DCC: variants seen among roughly 807,000 people sequenced by gnomAD.
DCC encodes the protein netrin receptor DCC.
Under a neutral mutation model 172.5 loss-of-function variants are expected in DCC, and 58 were observed. The observed-to-expected ratio is 0.34, with a 90% confidence interval of 0.27 to 0.42. DCC has a LOEUF of 0.42. DCC is among the 10% of genes least tolerant of loss of function. The pLI, the probability that DCC is intolerant of heterozygous loss-of-function variation, is 1.00. For missense variants in DCC, 1,740 were observed against 1,791.0 expected (o/e 0.97, Z 0.51); for synonymous variants, 709 against 644.5 (o/e 1.10, Z -1.52).
At chr18:53,130,632 G>A (rs147682697) in intron 7 of DCC, among the ~76,000 whole-genome samples, 7 of 152,098 alleles carry the variant, frequency 4.6e-5, no homozygotes, top group Middle Eastern at 3.4e-3. Context: ...ACAAAATTCC[G>A]AACAATTGTC....
At chr18:52,397,002 T>C (rs1393097216) in intron 1 of DCC, among the ~76,000 whole-genome samples, 3 of 152,046 alleles carry the variant, frequency 2.0e-5, no homozygotes, top group Admixed American at 6.6e-5. Flanking sequence ...AATAAATGTT[T>C]CTGTGTATAG....
intron 14 of DCC, among the ~76,000 whole-genome samples, chr18:53,328,928 T>C (rs906278504): frequency 6.6e-6 from 1 of 152,200 alleles, no homozygotes; most frequent in African/African-American, 2.4e-5. Context: ...TTTATGAAAC[T>C]TCTCCTTGTT....
intron 1 of DCC, among the ~76,000 whole-genome samples, chr18:52,446,939 T>G (rs1988145070): frequency 6.6e-6 from 1 of 152,248 alleles, no homozygotes; most frequent in African/African-American, 2.4e-5. Context: ...ATTTTTATGT[T>G]ACATTCTCAG....
At chr18:53,175,350 TAAAAG>T (rs1427390879) in intron 8 of DCC, among the ~76,000 whole-genome samples, 4 of 151,964 alleles carry the variant, frequency 2.6e-5, no homozygotes, top group Non-Finnish European at 5.9e-5. Flanking sequence ...GAGAAGGAAA[TAAAAG>T]GTATTCAGTT....
intron 2 of DCC, among the ~76,000 whole-genome samples, chr18:52,899,891 C>A (rs994370138): frequency 6.6e-6 from 1 of 152,160 alleles, no homozygotes; most frequent in African/African-American, 2.4e-5. Flanking sequence ...AACTGATTAT[C>A]TTAACAATGA....
chr18:53,427,218 A>G (rs1599136268), intron 21 of DCC, among the ~76,000 whole-genome samples: 1 of 152,162 alleles, frequency 6.6e-6, no homozygotes, highest in East Asian at 1.9e-4. Flanking sequence ...TTGGAGGAAC[A>G]GAATGCTTTT....
intron 1 of DCC, among the ~76,000 whole-genome samples, chr18:52,490,973 C>T (rs1050461284): frequency 6.6e-6 from 1 of 151,980 alleles, no homozygotes; most frequent in Non-Finnish European, 1.5e-5. Flanking sequence ...AGGTTTAAAC[C>T]CAATTAGCAT....
intron 1 of DCC, among the ~76,000 whole-genome samples, chr18:52,583,855 G>A (rs990934049): frequency 1.3e-5 from 2 of 152,138 alleles, no homozygotes; most frequent in East Asian, 3.8e-4. Flanking sequence ...ACTTTATATA[G>A]CAATGTCCCA....
intron 5 of DCC, among the ~76,000 whole-genome samples, chr18:53,009,299 A>G (rs949652217): frequency 1.3e-5 from 2 of 151,974 alleles, no homozygotes; most frequent in Admixed American, 1.3e-4. Flanking sequence ...TTTCAATAAA[A>G]GATGGATATA....
intron 1 of DCC, among the ~76,000 whole-genome samples, chr18:52,741,296 C>A (rs761009399): frequency 6.6e-6 from 1 of 152,176 alleles, no homozygotes; most frequent in Non-Finnish European, 1.5e-5. Flanking sequence ...CATTTCTCAC[C>A]TGAACAATGG....
intron 5 of DCC, among the ~76,000 whole-genome samples, chr18:53,018,144 T>G (rs766732241): frequency 9.2e-5 from 14 of 152,174 alleles, no homozygotes; most frequent in African/African-American, 1.9e-4. Flanking sequence ...ATTCTGCACA[T>G]GTACCCCATA....
At chr18:52,417,059 G>C (rs1319952072) in intron 1 of DCC, among the ~76,000 whole-genome samples, 1 of 152,098 alleles carries the variant, frequency 6.6e-6, no homozygotes, top group Non-Finnish European at 1.5e-5. Context: ...CTTTTTTAGG[G>C]CAGGCCTGGT....
chr18:52,586,733 A>T, intron 1 of DCC, among the ~76,000 whole-genome samples: 1 of 152,210 alleles, frequency 6.6e-6, no homozygotes, highest in East Asian at 1.9e-4. Context: ...AGGACCATAT[A>T]TAGGATGCTG....
At chr18:52,593,532 A>G (rs142804053) in intron 1 of DCC, among the ~76,000 whole-genome samples, 3 of 152,208 alleles carry the variant, frequency 2.0e-5, no homozygotes, top group African/African-American at 7.2e-5. Flanking sequence ...GCTTTCCTTT[A>G]TTTTTTAAAA....
intron 13 of DCC, among the ~76,000 whole-genome samples, chr18:53,315,636 C>T (rs1256061319): frequency 6.6e-6 from 1 of 152,120 alleles, no homozygotes; most frequent in African/African-American, 2.4e-5. Flanking sequence ...TGTTTCCTGA[C>T]TTTTTAATGA....
At chr18:52,879,760 C>A (rs1033903818) in intron 2 of DCC, among the ~76,000 whole-genome samples, 2 of 152,006 alleles carry the variant, frequency 1.3e-5, no homozygotes, top group Admixed American at 6.6e-5. Context: ...GGACTACTGT[C>A]GCAGCTCAAG....
chr18:53,098,791 G>A (rs996482957), intron 7 of DCC, among the ~76,000 whole-genome samples: 1 of 152,120 alleles, frequency 6.6e-6, no homozygotes, highest in African/African-American at 2.4e-5. Flanking sequence ...AGAATTGTTT[G>A]AGCCTAGTAG....
chr18:52,483,321 A>G lies in DCC; in HGVS notation c.91+142443A>G, dbSNP rs56302975. Among the ~76,000 whole-genome samples, 817 of 152,172 alleles carry G rather than the reference A, an allele frequency of 5.4e-3. 6 individuals are homozygous for G. The highest frequency in any genetic ancestry group is 0.019 in the African/African-American group (787 of 41,544). ...CTGTTGGAGGGCCATGCAGCCAACT[A>G]TATCTTTAGCTTCTATTCTCATTTT... On this transcript the variant is annotated intron_variant, in intron 1 of 28. Coordinates refer to ENST00000442544, the MANE Select transcript of DCC (RefSeq NM_005215.4).
chr18:53,493,899 G>GTTCTT (rs926566620), intron 26 of DCC, among the ~76,000 whole-genome samples: 1 of 151,928 alleles, frequency 6.6e-6, no homozygotes, highest in African/African-American at 2.4e-5. Context: ...TGCTTCTCTA[G>GTTCTT]TTCTTTTAAT....
Sources: allele counts gnomAD v4.1 joint callset (sites outside exome capture counted in the v4.1 genomes callset), GRCh38; gene constraint gnomAD v4.1.1; transcripts MANE v1.5; gene names NCBI Gene and HGNC (gene_info 2026-07-23, HGNC 2026-07-21).